The following CCDC148 variants were observed in gnomAD, a reference collection of about 807,000 sequenced individuals.
CCDC148 encodes coiled-coil domain-containing protein 148.
In CCDC148, 89 loss-of-function variants were observed where a neutral mutation model predicts 85.7. That is an observed-to-expected ratio of 1.04 (90% CI 0.87 to 1.24). CCDC148 has a LOEUF of 1.24. Ranked by LOEUF, CCDC148 falls within the 50% of genes most tolerant of loss-of-function variation. The pLI, the probability that CCDC148 is intolerant of heterozygous loss-of-function variation, is 0.00. For missense variants in CCDC148, 692 were observed against 671.7 expected (o/e 1.03, Z -0.33); for synonymous variants, 230 against 213.9 (o/e 1.08, Z -0.66).
chr2:158,328,318 A>C (rs112647186), intron 7 of CCDC148, among the ~76,000 whole-genome samples: 25,581 of 151,972 alleles, frequency 0.17, 3,469 homozygotes, highest in African/African-American at 0.38. Context: ...CCAGCTTCAT[A>C]CATGTCCCTA....
At chr2:158,197,957 T>A (rs536734315) in intron 11 of CCDC148, among the ~76,000 whole-genome samples, 1 of 152,074 alleles carries the variant, frequency 6.6e-6, no homozygotes, top group South Asian at 2.1e-4. Flanking sequence ...AAGTCAGAAT[T>A]AACCCTATTC....
At chr2:158,445,914 T>C (rs1407270634) in intron 1 of CCDC148, among the ~76,000 whole-genome samples, 1 of 152,172 alleles carries the variant, frequency 6.6e-6, no homozygotes, top group Non-Finnish European at 1.5e-5. Flanking sequence ...GGTTTAATGG[T>C]TGGTCATAGA....
chr2:158,266,165 C>A (rs1689443442), intron 9 of CCDC148, among the ~76,000 whole-genome samples: 3 of 152,168 alleles, frequency 2.0e-5, no homozygotes, highest in Non-Finnish European at 4.4e-5. Context: ...TCCCCACTGT[C>A]TCCAGCAGAG....
chr2:158,266,668 T>C (rs1014408018), intron 9 of CCDC148, among the ~76,000 whole-genome samples: 5 of 152,078 alleles, frequency 3.3e-5, no homozygotes, highest in African/African-American at 1.2e-4. Context: ...GTCATTCTTA[T>C]GCCTTTGCAT....
intron 11 of CCDC148, among the ~76,000 whole-genome samples, chr2:158,190,033 T>C (rs1685345499): frequency 6.6e-6 from 1 of 152,030 alleles, no homozygotes; most frequent in South Asian, 2.1e-4. Context: ...ATAAATTAAA[T>C]ATACATTATT....
At chr2:158,279,375 T>A (rs188977129) in intron 9 of CCDC148, among the ~76,000 whole-genome samples, 1 of 152,108 alleles carries the variant, frequency 6.6e-6, no homozygotes, top group Non-Finnish European at 1.5e-5. Flanking sequence ...TTAAAAACTT[T>A]GAAAAAAATT....
intron 8 of CCDC148, among the ~76,000 whole-genome samples, chr2:158,313,546 C>A (rs139156158): frequency 6.6e-6 from 1 of 152,272 alleles, no homozygotes; most frequent in African/African-American, 2.4e-5. Context: ...GACTTCTGCC[C>A]GAGGGGGCCC....
chr2:158,235,250 A>G (rs1414679684), intron 10 of CCDC148, among the ~76,000 whole-genome samples: 2 of 152,216 alleles, frequency 1.3e-5, no homozygotes, highest in Non-Finnish European at 2.9e-5. Flanking sequence ...GGAGCATGTA[A>G]AGGGCATAAC....
chr2:158,272,653 T>C (rs1000732320), intron 9 of CCDC148, among the ~76,000 whole-genome samples: 3 of 152,188 alleles, frequency 2.0e-5, no homozygotes, highest in African/African-American at 4.8e-5. Flanking sequence ...TAGTAGCTTA[T>C]TGCAGAGGAT....
rs180837188 is a variant in CCDC148, at chr2:158,327,927, T to C, written c.764+10799A>G. 5.0e-4 allele frequency among the ~76,000 whole-genome samples: 76 copies of C among 152,262 alleles called. 2 individuals carry two copies. The East Asian group carries it at 0.011, about 22-fold the overall frequency. On this transcript the variant is annotated intron_variant, in intron 7 of 13. Transcript: ENST00000283233. The stretch of plus-strand genomic sequence containing the variant: ...TTGCAAACTCTGTTTCTTTCTTTCA[T>C]GAGATCTTCTAGATGGCCACTGTTT...
At chr2:158,238,984 T>C (rs12998032) in intron 10 of CCDC148, among the ~76,000 whole-genome samples, 52,446 of 152,026 alleles carry the variant, frequency 0.34, 10,932 homozygotes, top group South Asian at 0.6. Flanking sequence ...CATGTGACTT[T>C]GGGGAAATTA....
intron 1 of CCDC148, among the ~76,000 whole-genome samples, chr2:158,402,246 T>C (rs16842921): frequency 0.057 from 8,617 of 152,148 alleles, 476 homozygotes; most frequent in African/African-American, 0.14. Context: ...GACTAGAGTT[T>C]AATTTTTCAG....
chr2:158,334,550 T>C (rs1353486856), intron 7 of CCDC148, among the ~76,000 whole-genome samples: 1 of 70,290 alleles, frequency 1.4e-5, no homozygotes, highest in Non-Finnish European at 3.0e-5. Context: ...TCTCATTCTT[T>C]TATGATTTTC....
At chr2:158,388,714 C>T (rs765908856) in intron 1 of CCDC148, among the ~76,000 whole-genome samples, 1 of 152,038 alleles carries the variant, frequency 6.6e-6, no homozygotes, top group African/African-American at 2.4e-5. Context: ...AGGCTGGGCT[C>T]GAACTCCTGA....
intron 3 of CCDC148, among the ~76,000 whole-genome samples, chr2:158,342,001 TATGTACGTGTCATTA>T (rs1682725490): frequency 6.7e-6 from 1 of 149,780 alleles, no homozygotes; most frequent in Non-Finnish European, 1.5e-5. Flanking sequence ...TATTCCATTT[TATGTACGTGTCATTA>T]TTTTCTTTTC....
At chr2:158,341,042 T>C (rs988983440) in intron 3 of CCDC148, among the ~76,000 whole-genome samples, 3 of 152,046 alleles carry the variant, frequency 2.0e-5, no homozygotes, top group Non-Finnish European at 4.4e-5. Context: ...GCAATAGAGA[T>C]GGAAGATGAA....
At chr2:158,400,345 T>C (rs1173084586) in intron 1 of CCDC148, among the ~76,000 whole-genome samples, 1 of 152,160 alleles carries the variant, frequency 6.6e-6, no homozygotes, top group African/African-American at 2.4e-5. Flanking sequence ...AGCATGGTAC[T>C]GGTACCAAAA....
chr2:158,278,951 C>G (rs189783566), intron 9 of CCDC148, among the ~76,000 whole-genome samples: 1 of 152,298 alleles, frequency 6.6e-6, no homozygotes, highest in Non-Finnish European at 1.5e-5. Context: ...AACGATCACA[C>G]AGCAGCATTC....
intron 9 of CCDC148, among the ~76,000 whole-genome samples, chr2:158,275,953 A>G (rs1689921359): frequency 6.6e-6 from 1 of 152,028 alleles, no homozygotes; most frequent in African/African-American, 2.4e-5. Context: ...CATTATACCT[A>G]TAGATTCCTG....
Sources: allele counts gnomAD v4.1 joint callset (sites outside exome capture counted in the v4.1 genomes callset), GRCh38; gene constraint gnomAD v4.1.1; transcripts MANE v1.5; gene names NCBI Gene and HGNC (gene_info 2026-07-23, HGNC 2026-07-21).